ZNF423: variants seen among roughly 807,000 people sequenced by gnomAD.
ZNF423 encodes the protein zinc finger protein 423.
In ZNF423, 12 loss-of-function variants were observed where a neutral mutation model predicts 95.8. The ratio of observed to expected loss-of-function variants is 0.13; its 90% confidence interval spans 0.08 to 0.20. The LOEUF is 0.20. Ranked by LOEUF, ZNF423 falls within the 10% of genes least tolerant of loss-of-function variation. ZNF423 has a pLI of 1.00. For missense variants in ZNF423, 1,316 were observed against 1,737.1 expected (o/e 0.76, Z 4.31); for synonymous variants, 749 against 711.9 (o/e 1.05, Z -0.83).
intron 1 of ZNF423, among the ~76,000 whole-genome samples, chr16:49,841,213 C>G (rs961252517): frequency 1.3e-5 from 2 of 152,130 alleles, no homozygotes; most frequent in Non-Finnish European, 2.9e-5. Context: ...ACTCCAGAAG[C>G]TTGGGGATCC....
intron 5 of ZNF423, among the ~76,000 whole-genome samples, chr16:49,609,110 TG>T (rs1263545277): frequency 2.0e-5 from 3 of 151,974 alleles, no homozygotes; most frequent in Non-Finnish European, 4.4e-5. Context: ...AGAGCAGAAA[TG>T]ATGCATTCCT....
At position 49,761,923 on chromosome 16, in the gene ZNF423, T is replaced by C. The variant is rs1035569696; in HGVS notation, c.100+27564A>G. On this transcript the variant is annotated intron_variant, in intron 2 of 7. Coordinates refer to ENST00000563137, the MANE Select transcript of ZNF423 (RefSeq NM_001379286.1). ...GCCTCCAACTCCTGGACTCAAGTGA[T>C]CCTCCCACCTCAGCCTCCCAACTAG... Among the ~76,000 whole-genome samples the C allele has an allele frequency of 9.2e-5, 14 of 152,204 alleles. No homozygotes were observed. The East Asian group carries it at 2.7e-3, about 29-fold the overall frequency.
At chr16:49,535,001 C>G (rs1157366126) in intron 5 of ZNF423, among the ~76,000 whole-genome samples, 1 of 152,214 alleles carries the variant, frequency 6.6e-6, no homozygotes, top group Non-Finnish European at 1.5e-5. Flanking sequence ...TTGCTTCTCT[C>G]TCTTGAAATT....
At chr16:49,560,202 C>T (rs970450880) in intron 5 of ZNF423, among the ~76,000 whole-genome samples, 14 of 152,184 alleles carry the variant, frequency 9.2e-5, no homozygotes, top group African/African-American at 3.4e-4. Flanking sequence ...AGCCAGTGAG[C>T]CTGCTCCTTC....
Position 49,638,875 on chromosome 16 carries a change from C to A in ZNF423, c.302-1G>T. ...GAGAGTTGTGGGTCGTCATCACCATCTGCAAGAGAAGGCAGAGAGGATATT... is the reference window on the plus strand; with the variant it reads ...GAGAGTTGTGGGTCGTCATCACCATATGCAAGAGAAGGCAGAGAGGATATT... On this transcript the variant is annotated splice_acceptor_variant, in intron 3 of 7. Transcript: ENST00000563137. LOFTEE classifies it high-confidence loss of function. The surrounding 1 kb of genome is among the most constrained non-coding windows in gnomAD (Gnocchi z 5.6). The A allele has an allele frequency of 6.2e-7, 1 of 1,600,354 alleles. No individual in the cohort carries two copies. Among genetic ancestry groups the A allele is most frequent in the Non-Finnish European group, 8.5e-7 (1 of 1,172,018 alleles).
intron 2 of ZNF423, among the ~76,000 whole-genome samples, chr16:49,744,780 G>A (rs2033488441): frequency 1.3e-5 from 2 of 152,144 alleles, no homozygotes; most frequent in Non-Finnish European, 2.9e-5. Flanking sequence ...TCTGCCTGAT[G>A]GCCAATATCA....
At chr16:49,758,604 T>C (rs11076497) in intron 2 of ZNF423, among the ~76,000 whole-genome samples, 1 of 151,950 alleles carries the variant, frequency 6.6e-6, no homozygotes, top group African/African-American at 2.4e-5. Context: ...TATCCAGGCA[T>C]GGTGGCATGC....
intron 7 of ZNF423, among the ~76,000 whole-genome samples, chr16:49,507,331 A>T (rs1285518681): frequency 6.6e-6 from 1 of 151,860 alleles, no homozygotes; most frequent in Non-Finnish European, 1.5e-5. Context: ...ACGGGGTCTC[A>T]TTATGTTGTC....
chr16:49,746,091 C>T (rs1006285322), intron 2 of ZNF423, among the ~76,000 whole-genome samples: 8 of 152,168 alleles, frequency 5.3e-5, no homozygotes, highest in African/African-American at 1.2e-4. Context: ...TTCCTCTCCC[C>T]GAGCCTCAGT....
chr16:49,811,387 T>TAAAATAAAATA (rs2034750044), intron 1 of ZNF423, among the ~76,000 whole-genome samples: 3 of 151,690 alleles, frequency 2.0e-5, no homozygotes, highest in Non-Finnish European at 4.4e-5. Context: ...GTACCAGAAA[T>TAAAATAAAATA]AAACACTGGG....
intron 1 of ZNF423, among the ~76,000 whole-genome samples, chr16:49,827,834 T>C (rs982623184): frequency 1.3e-5 from 2 of 152,168 alleles, no homozygotes; most frequent in Non-Finnish European, 2.9e-5. Flanking sequence ...AGCTATTCCA[T>C]TCTTTTTCTG....
At chr16:49,825,983 G>A (rs540207401) in intron 1 of ZNF423, among the ~76,000 whole-genome samples, 64 of 152,274 alleles carry the variant, frequency 4.2e-4, no homozygotes, top group Non-Finnish European at 6.8e-4. Flanking sequence ...GGCCAAGACA[G>A]GTGGATCTCT....
Position 49,582,106 on chromosome 16 carries a change from C to T in ZNF423, c.3601+44064G>A, listed in dbSNP as rs116792364. Among the ~76,000 whole-genome samples, 969 of 152,190 alleles carry T rather than the reference C, an allele frequency of 6.4e-3. 10 individuals are homozygous for T. Among genetic ancestry groups the T allele is most frequent in the African/African-American group, 0.022 (912 of 41,484 alleles). ...CACATAGTCTCCTGAGCCCACCTGA[C>T]GCCTACACGCAAGCTGGGGATGCAA... is the stretch of plus-strand genomic sequence containing the variant. On this transcript the variant is annotated intron_variant, in intron 5 of 7. Transcript: ENST00000563137.
intron 3 of ZNF423, among the ~76,000 whole-genome samples, chr16:49,659,177 C>T (rs1260075941): frequency 2.0e-5 from 3 of 152,204 alleles, no homozygotes; most frequent in Non-Finnish European, 4.4e-5. Flanking sequence ...TGGCCTCAAC[C>T]TCCTAGGCTC....
chr16:49,538,098 C>T (rs1004585274), intron 5 of ZNF423, among the ~76,000 whole-genome samples: 5 of 152,232 alleles, frequency 3.3e-5, no homozygotes, highest in African/African-American at 1.2e-4. Flanking sequence ...GCAGAGCTTA[C>T]TGACAGCTCC....
intron 1 of ZNF423, among the ~76,000 whole-genome samples, chr16:49,796,086 A>C (rs1567347236): frequency 6.6e-6 from 1 of 151,860 alleles, no homozygotes; most frequent in Non-Finnish European, 1.5e-5. Flanking sequence ...CTCCACGTTG[A>C]CTCTCAGCTC....
intron 2 of ZNF423, among the ~76,000 whole-genome samples, chr16:49,735,316 T>C (rs560607428): frequency 2.0e-5 from 3 of 152,174 alleles, no homozygotes; most frequent in African/African-American, 7.2e-5. Context: ...CCTACGGAAG[T>C]TGGGGCCCCA....
At chr16:49,535,428 T>A (rs1969026782) in intron 5 of ZNF423, among the ~76,000 whole-genome samples, 1 of 152,202 alleles carries the variant, frequency 6.6e-6, no homozygotes, top group Admixed American at 6.5e-5. Flanking sequence ...CCCGGCTCTT[T>A]GAGCGATCAG....
intron 1 of ZNF423, among the ~76,000 whole-genome samples, chr16:49,835,633 C>T (rs187838494): frequency 3.3e-5 from 5 of 152,310 alleles, no homozygotes; most frequent in South Asian, 4.1e-4. Flanking sequence ...CCAGCTCCCC[C>T]ACCCGGCATG....
Sources: gnomAD v4.1 joint callset for allele counts (sites outside exome capture counted in the v4.1 genomes callset) on GRCh38, gnomAD v4.1.1 for gene constraint, Gnocchi (gnomAD v3.1) non-coding constraint, MANE v1.5 for transcripts, NCBI Gene and HGNC (gene_info 2026-07-23, HGNC 2026-07-21) for gene names.